Variants in NRXN3 observed in about 807,000 individuals in gnomAD.
NRXN3 encodes the protein neurexin III.
In NRXN3, 32 loss-of-function variants were observed where a neutral mutation model predicts 137.6. That is an observed-to-expected ratio of 0.23 (90% CI 0.18 to 0.31). The LOEUF is 0.31. Among genes scored for constraint, NRXN3 ranks in the 10% least tolerant of loss-of-function variants. The pLI is 1.00. For synonymous variants in NRXN3, 798 were observed against 784.5 expected (o/e 1.02, Z -0.29); for missense variants, 1,574 against 2,062.5 (o/e 0.76, Z 4.59).
At chr14:78,479,566 A>G (rs2095438395) in intron 4 of NRXN3, among the ~76,000 whole-genome samples, 1 of 152,216 alleles carries the variant, frequency 6.6e-6, no homozygotes, top group South Asian at 2.1e-4. Context: ...CATACTTATT[A>G]AAATGCAGAT....
chr14:79,106,242 G>A (rs1359149770), intron 15 of NRXN3, among the ~76,000 whole-genome samples: 6 of 151,958 alleles, frequency 3.9e-5, no homozygotes, highest in Non-Finnish European at 8.8e-5. Context: ...CAACAAAATG[G>A]CCTTGGATGA....
chr14:79,035,092 G>C (rs1432059206), intron 15 of NRXN3, among the ~76,000 whole-genome samples: 1 of 152,058 alleles, frequency 6.6e-6, no homozygotes, highest in Non-Finnish European at 1.5e-5. Flanking sequence ...TTCAACTTTA[G>C]CTCTTTTACA....
chr14:78,799,772 A>G (rs2098832994), intron 8 of NRXN3, among the ~76,000 whole-genome samples: 1 of 152,182 alleles, frequency 6.6e-6, no homozygotes, highest in African/African-American at 2.4e-5. Context: ...ATCATGGTAG[A>G]CAAGAGAGAA....
Position 79,095,753 on chromosome 14 carries a change from G to A in NRXN3, c.3262+107612G>A, listed in dbSNP as rs193136905. 3.7e-3 allele frequency among the ~76,000 whole-genome samples: 570 copies of A among 152,224 alleles called. 2 individuals carry two copies. Among genetic ancestry groups the A allele is most frequent in the African/African-American group, 0.013 (543 of 41,528 alleles). ...TGTACACCTCCACTGGAATTCTTGC[G>A]AAGGTTACTTTGCCTTCTGGATTTT... On this transcript the variant is annotated intron_variant, in intron 15 of 20. Coordinates refer to ENST00000335750, the MANE Select transcript of NRXN3 (RefSeq NM_001330195.2).
chr14:78,965,909 C>T, intron 11 of NRXN3, 116 bp from the exon 12 acceptor site: 1 of 1,215,498 alleles, frequency 8.2e-7, no homozygotes, highest in East Asian at 2.3e-5. Context: ...CTTGAACTCA[C>T]CCAAGAAAGC....
At chr14:78,957,973 A>G (rs1339900439) in intron 11 of NRXN3, among the ~76,000 whole-genome samples, 1 of 152,332 alleles carries the variant, frequency 6.6e-6, no homozygotes, top group Non-Finnish European at 1.5e-5. Context: ...ATGTGGAAAG[A>G]AACATTCAGA....
chr14:79,762,720 G>A (rs947175197), intron 19 of NRXN3, among the ~76,000 whole-genome samples: 3 of 151,480 alleles, frequency 2.0e-5, no homozygotes, highest in Non-Finnish European at 4.4e-5. Context: ...GGTTTCGTGC[G>A]ATGCCTGTCA....
Position 79,732,328 on chromosome 14 carries a change from C to G in NRXN3, c.4014+34391C>G, listed in dbSNP as rs12434821. Among the ~76,000 whole-genome samples, 140 of 151,922 alleles carry G rather than the reference C, an allele frequency of 9.2e-4. 1 individual carries two copies. Among genetic ancestry groups the G allele is most frequent in the Middle Eastern group, 3.4e-3 (1 of 290 alleles). ...CTCAATGTTTACCCTAAGTTTGATACGGTAACTTAGTTATTTTAAGAGGAA... is the reference window on the plus strand; with the variant it reads ...CTCAATGTTTACCCTAAGTTTGATAGGGTAACTTAGTTATTTTAAGAGGAA... On this transcript the variant is annotated intron_variant, in intron 19 of 20. Transcript: ENST00000335750.
chr14:78,540,067 G>A (rs182724117), intron 4 of NRXN3, among the ~76,000 whole-genome samples: 2 of 152,182 alleles, frequency 1.3e-5, no homozygotes, highest in Non-Finnish European at 2.9e-5. Context: ...GTGGTGCTGA[G>A]AAGAATGTAT....
At chr14:79,447,143 G>A (rs189611908) in intron 15 of NRXN3, among the ~76,000 whole-genome samples, 94 of 152,234 alleles carry the variant, frequency 6.2e-4, no homozygotes, top group Admixed American at 6.0e-3. Context: ...GTTTGTTCTG[G>A]TCCACCAAAA....
At chr14:78,408,661 G>A (rs965669125) in intron 4 of NRXN3, among the ~76,000 whole-genome samples, 12 of 152,168 alleles carry the variant, frequency 7.9e-5, no homozygotes, top group Middle Eastern at 3.2e-3. Flanking sequence ...CACTCCATAG[G>A]TGCCTCTGAA....
At chr14:78,682,219 C>T (rs2098083851) in intron 6 of NRXN3, among the ~76,000 whole-genome samples, 1 of 151,922 alleles carries the variant, frequency 6.6e-6, no homozygotes, top group Non-Finnish European at 1.5e-5. Flanking sequence ...GCTGGATTTG[C>T]CAAAACAAAT....
chr14:79,352,013 T>C (rs1227881743), intron 15 of NRXN3, among the ~76,000 whole-genome samples: 1 of 152,180 alleles, frequency 6.6e-6, no homozygotes, highest in East Asian at 1.9e-4. Flanking sequence ...CATTTCTGAG[T>C]TAGAAGTGTC....
At chr14:78,810,648 G>A (rs2098907131) in intron 10 of NRXN3, among the ~76,000 whole-genome samples, 1 of 152,120 alleles carries the variant, frequency 6.6e-6, no homozygotes, top group Non-Finnish European at 1.5e-5. Context: ...TTGAAATGAT[G>A]ATTTATTGTT....
At chr14:79,713,950 A>ATGTT (rs1298086089) in intron 19 of NRXN3, among the ~76,000 whole-genome samples, 3 of 152,068 alleles carry the variant, frequency 2.0e-5, no homozygotes. Flanking sequence ...GTCAATCAAT[A>ATGTT]TGTTTGCATG....
chr14:78,996,607 G>A (rs2099530635), intron 15 of NRXN3, among the ~76,000 whole-genome samples: 1 of 152,042 alleles, frequency 6.6e-6, no homozygotes, highest in African/African-American at 2.4e-5. Context: ...TTTAAATGAG[G>A]GCATTTAAAG....
At chr14:79,612,163 G>C (rs577120926) in intron 16 of NRXN3, among the ~76,000 whole-genome samples, 1 of 152,288 alleles carries the variant, frequency 6.6e-6, no homozygotes, top group East Asian at 1.9e-4. Flanking sequence ...GAAGATTCTA[G>C]ATGTTTTCCC....
At chr14:78,603,277 C>G (rs926696664) in intron 4 of NRXN3, among the ~76,000 whole-genome samples, 1 of 152,084 alleles carries the variant, frequency 6.6e-6, no homozygotes, top group Admixed American at 6.6e-5. Flanking sequence ...TTACAAGGAC[C>G]CTCATTTCTT....
intron 4 of NRXN3, among the ~76,000 whole-genome samples, chr14:78,557,319 A>G (rs1465402555): frequency 1.3e-5 from 2 of 150,728 alleles, no homozygotes; most frequent in African/African-American, 4.9e-5. Context: ...CTCTCAAAGT[A>G]CTGGGATCAC....
Sources: allele counts gnomAD v4.1 joint callset (sites outside exome capture counted in the v4.1 genomes callset), GRCh38; gene constraint gnomAD v4.1.1; transcripts MANE v1.5; gene names NCBI Gene and HGNC (gene_info 2026-07-23, HGNC 2026-07-21).